NLK: variants seen among roughly 807,000 people sequenced by gnomAD.
NLK encodes the protein serine/threonine-protein kinase NLK.
Under a neutral mutation model 59.0 loss-of-function variants are expected in NLK, and 11 were observed. The observed-to-expected ratio is 0.19, with a 90% CI of 0.12 to 0.31. The LOEUF (loss-of-function observed/expected upper bound fraction) is 0.31. Among genes scored for constraint, NLK ranks in the 10% least tolerant of loss-of-function variants. The probability of loss-of-function intolerance (pLI) is 1.00; values close to 1 mark genes in which losing one functional copy is unlikely to be tolerated. For missense variants in NLK, 410 were observed against 661.1 expected, an observed-to-expected ratio of 0.62 and a Z score of 4.16; for synonymous variants, 235 against 235.9, an observed-to-expected ratio of 1.00 and a Z score of 0.03.
rs34411493 is a variant in NLK, at chr17:28,179,872, GT to G, written c.1150-5282del. ...TAGGGCATATTTCTAAGCATTCTTGGTTTTTTTTTTTTTTTTTTTTTTTTTG... is the reference window on the plus strand; with the variant it reads ...TAGGGCATATTTCTAAGCATTCTTGGTTTTTTTTTTTTTTTTTTTTTTTTG... On this transcript the variant is annotated intron_variant, in intron 7 of 10. Coordinates refer to ENST00000407008, the MANE Select transcript of NLK (RefSeq NM_016231.5). Among the ~76,000 whole-genome samples, 742 of 79,436 alleles carry G rather than the reference GT, an allele frequency of 9.3e-3. 4 individuals carry two copies. The highest frequency in any genetic ancestry group is 0.032 in the African/African-American group (635 of 19,926). The allele number at this position is 79,436 out of a possible 152,430, so 52.1% of individuals were successfully genotyped here.
At chr17:28,161,113 G>T (rs769060625) in intron 3 of NLK, 47 bp from the exon 4 acceptor site, 3 of 993,230 alleles carry the variant, frequency 3.0e-6, no homozygotes, top group South Asian at 1.3e-5. Context: ...ACTTTGAGGG[G>T]GTAGGGGACT....
chr17:28,066,975 T>C (rs892005695), intron 1 of NLK, among the ~76,000 whole-genome samples: 13 of 152,232 alleles, frequency 8.5e-5, no homozygotes, highest in Admixed American at 8.5e-4. Context: ...TTGAATGATC[T>C]TTACATATTC....
chr17:28,046,663 A>T (rs776675612), intron 1 of NLK, among the ~76,000 whole-genome samples: 1 of 152,188 alleles, frequency 6.6e-6, no homozygotes, highest in African/African-American at 2.4e-5. Flanking sequence ...GTGGTTAAAG[A>T]TGTAACAACT....
In NLK at chr17:28,194,879, G is replaced by A. The variant is rs34827006; in HGVS notation, c.*243G>A. The A allele has an allele frequency of 2.7e-6, 1 of 365,910 alleles. No homozygotes were observed. The highest frequency in any genetic ancestry group is 4.9e-6 in the Non-Finnish European group (1 of 203,518). The allele number at this position is 365,910 out of a possible 1,614,324, so 22.7% of individuals were successfully genotyped here. A position where few individuals can be genotyped will look rare whatever the true frequency, so the allele number is the denominator to read the frequency against. ...GAGTTGCACATGTTTTATGAATTTAGTGCAGCTGTTATGGCTCACCTCAGA... is the reference window on the plus strand; with the variant it reads ...GAGTTGCACATGTTTTATGAATTTAATGCAGCTGTTATGGCTCACCTCAGA... On this transcript the variant is annotated 3_prime_UTR_variant, in exon 11 of 11. Transcript: ENST00000407008.
chr17:28,178,147 A>G (rs1412281389), intron 7 of NLK, among the ~76,000 whole-genome samples: 2 of 152,204 alleles, frequency 1.3e-5, no homozygotes, highest in Non-Finnish European at 2.9e-5. Context: ...TATATAATAA[A>G]GTCAGATAAG....
At chr17:28,090,325 A>T (rs1904441366) in intron 1 of NLK, among the ~76,000 whole-genome samples, 1 of 152,144 alleles carries the variant, frequency 6.6e-6, no homozygotes, top group Non-Finnish European at 1.5e-5. Flanking sequence ...TTTGCTTTAA[A>T]CAGTTGTCTT....
intron 1 of NLK, among the ~76,000 whole-genome samples, chr17:28,109,004 T>TA (rs1008685897): frequency 8.6e-5 from 13 of 151,752 alleles, no homozygotes; most frequent in Non-Finnish European, 8.8e-5. Flanking sequence ...CCATCTCTAC[T>TA]AAAAAAATAC....
At chr17:28,168,421 A>G (rs1239612436) in intron 5 of NLK, 27 bp from the exon 6 acceptor site, 3 of 1,492,696 alleles carry the variant, frequency 2.0e-6, no homozygotes, top group Non-Finnish European at 2.8e-6. Flanking sequence ...TTTGCTTGAT[A>G]ATGTTTTGAT....
chr17:28,081,174 G>GCCAC (rs1910332672), intron 1 of NLK, among the ~76,000 whole-genome samples: 1 of 151,776 alleles, frequency 6.6e-6, no homozygotes, highest in African/African-American at 2.4e-5. Context: ...AGAGGCATGG[G>GCCAC]CCACCATGCC....
chr17:28,151,459 C>G (rs544374536), intron 3 of NLK, among the ~76,000 whole-genome samples: 3 of 152,058 alleles, frequency 2.0e-5, no homozygotes, highest in Non-Finnish European at 4.4e-5. Flanking sequence ...AAATGTTTTT[C>G]CCCTAAGAAT....
intron 1 of NLK, among the ~76,000 whole-genome samples, chr17:28,080,241 C>G (rs1248156280): frequency 1.3e-5 from 2 of 152,082 alleles, no homozygotes. Context: ...TGCTTGAGCC[C>G]AGGAGTTTGC....
chr17:28,086,829 C>A (rs1188447553), intron 1 of NLK, among the ~76,000 whole-genome samples: 2 of 151,034 alleles, frequency 1.3e-5, no homozygotes, highest in Non-Finnish European at 2.9e-5. Flanking sequence ...AATTTCGAGA[C>A]CAGCCTGGGC....
chr17:28,074,739 A>G (rs957552923), intron 1 of NLK, among the ~76,000 whole-genome samples: 2 of 152,144 alleles, frequency 1.3e-5, no homozygotes, highest in African/African-American at 2.4e-5. Context: ...ATAGATGGGA[A>G]AAGAGCAGTA....
chr17:28,058,176 T>G (rs1373900939), intron 1 of NLK, among the ~76,000 whole-genome samples: 2 of 152,186 alleles, frequency 1.3e-5, no homozygotes, highest in Admixed American at 6.5e-5. Context: ...GTTAAGGAAG[T>G]ACATAGGCAA....
chr17:28,191,885 C>T (rs989065630), intron 9 of NLK, among the ~76,000 whole-genome samples: 9 of 152,188 alleles, frequency 5.9e-5, no homozygotes, highest in African/African-American at 2.2e-4. Context: ...TTACTCTTCC[C>T]ACTGATGGGG....
chr17:28,111,887 TGTGTGTGTG>T (rs1274684602), intron 1 of NLK, among the ~76,000 whole-genome samples: 3 of 126,084 alleles, frequency 2.4e-5, no homozygotes, highest in East Asian at 2.4e-4. Flanking sequence ...TGTGTGTGTG[TGTGTGTGTG>T]GTGTGTGTGT....
intron 3 of NLK, among the ~76,000 whole-genome samples, chr17:28,160,418 C>T (rs1907957436): frequency 6.6e-6 from 1 of 151,960 alleles, no homozygotes; most frequent in Non-Finnish European, 1.5e-5. Flanking sequence ...TAAGATTTAC[C>T]ATACTTTTGC....
intron 3 of NLK, among the ~76,000 whole-genome samples, chr17:28,142,280 T>C (rs558039570): frequency 6.6e-6 from 1 of 152,334 alleles, no homozygotes; most frequent in Non-Finnish European, 1.5e-5. Context: ...ATTTTTGACA[T>C]TCTATACAAC....
chr17:28,163,277 C>T (rs556859600), intron 4 of NLK, among the ~76,000 whole-genome samples: 9 of 152,306 alleles, frequency 5.9e-5, no homozygotes, highest in East Asian at 5.8e-4. Context: ...ACTCGAGTGC[C>T]TAAGAAGCTT....
Sources: allele counts gnomAD v4.1 joint callset (sites outside exome capture counted in the v4.1 genomes callset), GRCh38; gene constraint gnomAD v4.1.1; transcripts MANE v1.5; gene names NCBI Gene and HGNC (gene_info 2026-07-23, HGNC 2026-07-21).